The following XRN1 variants were observed in gnomAD, a reference collection of about 807,000 sequenced individuals.
The protein encoded by XRN1 is 5'-3' exoribonuclease 1.
Under a neutral mutation model 222.3 loss-of-function variants are expected in XRN1, and 67 were observed. The ratio of observed to expected loss-of-function variants is 0.30; its 90% confidence interval spans 0.25 to 0.37. The LOEUF is 0.37. Ranked by LOEUF, XRN1 falls within the 10% of genes least tolerant of loss-of-function variation. XRN1 has a pLI of 1.00. For missense variants in XRN1, 1,707 were observed against 2,000.2 expected, an observed-to-expected ratio of 0.85 and a Z score of 2.80; for synonymous variants, 643 against 652.4, an observed-to-expected ratio of 0.99 and a Z score of 0.22.
intron 20 of XRN1, among the ~76,000 whole-genome samples, chr3:142,385,451 G>T (rs1484895537): frequency 6.6e-6 from 1 of 152,168 alleles, no homozygotes; most frequent in East Asian, 1.9e-4. Context: ...ATTGGGGGTT[G>T]CCAGGAGTAT....
At chr3:142,341,601 A>G (rs1156881357) in intron 33 of XRN1, among the ~76,000 whole-genome samples, 2 of 152,150 alleles carry the variant, frequency 1.3e-5, no homozygotes, top group Non-Finnish European at 2.9e-5. Context: ...AATGTCAATG[A>G]ACTAAACTCT....
intron 24 of XRN1, 177 bp from the exon 25 acceptor site, chr3:142,376,121 A>G: frequency 8.5e-7 from 1 of 1,173,298 alleles, no homozygotes; most frequent in Admixed American, 3.6e-5. Context: ...GCAGTAATTG[A>G]AAAACTAGAA....
At position 142,413,879 on chromosome 3, in the gene XRN1, T is replaced by C. The variant is rs113476539; in HGVS notation, c.1593+256A>G. On this transcript the variant is annotated intron_variant, in intron 14 of 40. Coordinates refer to ENST00000392981, the MANE Select transcript of XRN1 (RefSeq NM_001282857.2). ...CTACTTTCTTCAGTGTAGAGACAAA[T>C]TGAAAATCTGTTTAAAGGTGCTGAA... is the stretch of plus-strand genomic sequence containing the variant. 4.9e-4 allele frequency among the ~76,000 whole-genome samples: 75 copies of C among 152,272 alleles called. 1 individual carries two copies. Among genetic ancestry groups the C allele is most frequent in the African/African-American group, 1.5e-3 (64 of 41,564 alleles).
At chr3:142,356,885 G>A (rs1417198514) in intron 31 of XRN1, 27 bp downstream of exon 31, 2 of 1,598,314 alleles carry the variant, frequency 1.3e-6, no homozygotes, top group Non-Finnish European at 1.7e-6. Flanking sequence ...AAGGGGTAGA[G>A]GAGAAGTTAA....
chr3:142,369,675 G>A (rs1577310028), intron 27 of XRN1, among the ~76,000 whole-genome samples: 3 of 146,898 alleles, frequency 2.0e-5, no homozygotes, highest in South Asian at 2.2e-4. Flanking sequence ...AAAAAAACAA[G>A]AGTATATTTT....
intron 8 of XRN1, among the ~76,000 whole-genome samples, chr3:142,422,342 TAAAA>T (rs935347884): frequency 6.6e-6 from 1 of 151,542 alleles, no homozygotes; most frequent in African/African-American, 2.4e-5. Context: ...AAATAAATAA[TAAAA>T]AAAAGGCAAA....
At chr3:142,395,868 G>T (rs1296765103) in intron 20 of XRN1, among the ~76,000 whole-genome samples, 1 of 152,108 alleles carries the variant, frequency 6.6e-6, no homozygotes, top group Non-Finnish European at 1.5e-5. Flanking sequence ...GGCTTTTCAT[G>T]TAAGTCTTCC....
At chr3:142,439,143 A>G (rs1401122023) in intron 1 of XRN1, among the ~76,000 whole-genome samples, 2 of 152,174 alleles carry the variant, frequency 1.3e-5, no homozygotes, top group African/African-American at 4.8e-5. Context: ...CCTGATGGCT[A>G]TATTGACGTT....
At position 142,376,552 on chromosome 3, in the gene XRN1, G is replaced by A. The variant is rs772625503; in HGVS notation, c.2758C>T (p.Arg920Cys). 3.6e-5 allele frequency: 58 copies of A among 1,612,978 alleles called. No homozygotes were observed. Among genetic ancestry groups the A allele is most frequent in the Admixed American group, 5.0e-5 (3 of 59,964 alleles). ...KYNPGYVLAS[R>C]LGVSGYLVSR... ...ACAAGGTATCCACTCACTCCAAGGCGACTGGCCAACACATATCCTGGGTTG... is the reference window on the plus strand; with the variant it reads ...ACAAGGTATCCACTCACTCCAAGGCAACTGGCCAACACATATCCTGGGTTG... The change falls in exon 24 of 41, where the codon CGC becomes TGC. Residue 920 changes from arginine (R) to cysteine (C), a missense_variant. Transcript: ENST00000392981.
intron 32 of XRN1, among the ~76,000 whole-genome samples, chr3:142,354,109 T>A (rs1330608356): frequency 6.6e-6 from 1 of 151,940 alleles, no homozygotes; most frequent in African/African-American, 2.4e-5. Flanking sequence ...AATTAATTTT[T>A]AAAAAATGGG....
At chr3:142,405,197 C>G in intron 15 of XRN1, 121 bp from the exon 16 acceptor site, 1 of 916,378 alleles carries the variant, frequency 1.1e-6, no homozygotes, top group Non-Finnish European at 1.6e-6. Flanking sequence ...AAACAAAAAA[C>G]CAAAATCTTA....
chr3:142,352,612 A>C lies in XRN1; in HGVS notation c.3768+2789T>G, dbSNP rs370719281. ...TTAGAATAAATGAGGGTCTGAAGGT[A>C]CAGGCTACTGGTTTATAAACTTGAA... is the stretch of plus-strand genomic sequence containing the variant. On this transcript the variant is annotated intron_variant, in intron 32 of 40. Coordinates refer to ENST00000392981, the MANE Select transcript of XRN1 (RefSeq NM_001282857.2). Among the ~76,000 whole-genome samples the C allele has an allele frequency of 8.5e-5, 13 of 152,296 alleles. No individual in the cohort carries two copies. The East Asian group carries it at 2.1e-3, about 25-fold the overall frequency.
At chr3:142,338,145 G>C (rs575648926) in intron 33 of XRN1, among the ~76,000 whole-genome samples, 1 of 152,294 alleles carries the variant, frequency 6.6e-6, no homozygotes, top group East Asian at 1.9e-4. Flanking sequence ...AGCTAAGGAA[G>C]TGCTTGTGCC....
chr3:142,413,088 A>G (rs966778114), intron 14 of XRN1, among the ~76,000 whole-genome samples: 1 of 152,166 alleles, frequency 6.6e-6, no homozygotes, highest in African/African-American at 2.4e-5. Context: ...GATTCTATTA[A>G]GTAATGTAAC....
At chr3:142,331,791 T>C (rs1473848057) in intron 36 of XRN1, among the ~76,000 whole-genome samples, 1 of 152,178 alleles carries the variant, frequency 6.6e-6, no homozygotes, top group African/African-American at 2.4e-5. Context: ...TTTTTGTTTT[T>C]TGAGACAGGG....
At position 142,347,337 on chromosome 3, in the gene XRN1, T is replaced by C. The variant is rs1437717527; in HGVS notation, c.3774A>G (p.Ala1258=). 6.4e-7 allele frequency: 1 copy of C among 1,565,508 alleles called. No individual in the cohort carries two copies. The highest frequency in any genetic ancestry group is 2.3e-5 in the East Asian group (1 of 43,758). Residue 1258 remains alanine (A), a synonymous_variant, in exon 33 of 41, where the codon GCA becomes GCG. Coordinates refer to ENST00000392981, the MANE Select transcript of XRN1 (RefSeq NM_001282857.2). ...YFQPTIQEKG[A]VLPQEISQVN... ...CTTGGCTTATTTCTTGAGGTAGAAC[T>C]GCACCCTGAAAATTAAAATTCTTAT...
intron 2 of XRN1, among the ~76,000 whole-genome samples, chr3:142,429,439 C>T (rs764739728): frequency 9.9e-5 from 15 of 152,090 alleles, no homozygotes; most frequent in African/African-American, 1.7e-4. Context: ...CGAGCCACCA[C>T]GCCCGGCCTG....
chr3:142,394,002 T>A (rs1484451476), intron 20 of XRN1, among the ~76,000 whole-genome samples: 1 of 152,136 alleles, frequency 6.6e-6, no homozygotes, highest in Non-Finnish European at 1.5e-5. Flanking sequence ...AATTTTTGTA[T>A]TTTTAGAAGA....
chr3:142,387,550 T>G (rs2067552399), intron 20 of XRN1, among the ~76,000 whole-genome samples: 1 of 152,166 alleles, frequency 6.6e-6, no homozygotes. Context: ...ACCACCACAA[T>G]AAAGTGAGTC....
Sources: gnomAD v4.1 joint callset for allele counts (sites outside exome capture counted in the v4.1 genomes callset) on GRCh38, gnomAD v4.1.1 for gene constraint, MANE v1.5 for transcripts, NCBI Gene and HGNC (gene_info 2026-07-23, HGNC 2026-07-21) for gene names.